Variants in ZDBF2 observed in about 807,000 individuals in gnomAD.
ZDBF2 encodes the protein DBF4-type zinc finger-containing protein 2.
A neutral mutation model predicts 9.4 loss-of-function variants in ZDBF2; 6 were observed. That is an observed-to-expected ratio of 0.64 (90% CI 0.35 to 1.27). The LOEUF (loss-of-function observed/expected upper bound fraction) is 1.27, where lower values mean the gene tolerates loss of function less well. ZDBF2 is among the 50% of genes most tolerant of loss of function. ZDBF2 has a pLI of 0.03. For synonymous variants in ZDBF2, 905 were observed against 946.3 expected, an observed-to-expected ratio of 0.96 and a Z score of 0.80; for missense variants, 2,697 against 2,766.8, an observed-to-expected ratio of 0.97 and a Z score of 0.57.
At chr2:206,302,365 T>C (rs1250115558) in intron 4 of ZDBF2, among the ~76,000 whole-genome samples, 1 of 152,128 alleles carries the variant, frequency 6.6e-6, no homozygotes, top group East Asian at 1.9e-4. Flanking sequence ...TTTTTTGTTG[T>C]TGTGTGGTTA....
In ZDBF2 at chr2:206,313,379, G is replaced by T. The variant is rs1025725929; in HGVS notation, c.*1786G>T. The stretch of plus-strand genomic sequence containing the variant: ...CATATATCTCATTTCCTTCAACCTT[G>T]CCTCCTCATACACAAATATATTTTC... On this transcript the variant is annotated 3_prime_UTR_variant, in exon 5 of 5. Transcript: ENST00000374423. 2.6e-5 allele frequency: 4 copies of T among 152,030 alleles called. No homozygotes were observed. The highest frequency in any genetic ancestry group is 9.7e-5 in the African/African-American group (4 of 41,380). 9.4% of individuals were successfully genotyped at this position (152,030 alleles called of 1,614,324 possible).
In ZDBF2 at chr2:206,309,424, T is replaced by C; in HGVS notation, c.4896T>C (p.Ser1632=). Residue 1632 remains serine (S), a synonymous_variant, in exon 5 of 5, where the codon TCT becomes TCC. Coordinates refer to ENST00000374423, the MANE Select transcript of ZDBF2 (RefSeq NM_020923.3). The part of the protein sequence containing the change: ...GSEMNFNVDA[S]DQSMTYESQG... ...AAATGAATTTTAATGTTGATGCCTC[T>C]GATCAGTCCATGACTTACGAGTCAC... The C allele has an allele frequency of 6.2e-7, 1 of 1,613,878 alleles. No homozygotes were observed. Among genetic ancestry groups the C allele is most frequent in the Non-Finnish European group, 8.5e-7 (1 of 1,179,852 alleles).
rs138690829 is a variant in ZDBF2 at position 206,304,725 on chromosome 2, A to G, written c.197A>G (p.Gln66Arg). The G allele has an allele frequency of 3.7e-6, 6 of 1,603,930 alleles. No homozygotes were observed. In the African/African-American group the frequency reaches 5.4e-5, roughly 14 times the overall value. Residue 66 changes from glutamine to arginine, a missense_variant, in exon 5 of 5, where the codon CAA (glutamine) becomes CGA (arginine). Physicochemically the swap from Gln to Arg is conservative, Grantham distance 43. Transcript: ENST00000374423. ...CCCCCCTTTCGTTTTAGTTCAACAC[A>G]AGATGAGACACATGTGAATACTGGG... ...PYHCQESSST[Q>R]DETHVNTGSS...
rs997228879 is a variant in ZDBF2, at chr2:206,310,021, A to G, written c.5493A>G (p.Thr1831=). The G allele has an allele frequency of 6.2e-7, 1 of 1,612,972 alleles. No homozygotes were observed. Among genetic ancestry groups the G allele is most frequent in the East Asian group, 2.2e-5 (1 of 44,886 alleles). The change falls in exon 5 of 5, where the codon ACA becomes ACG. Residue 1831 remains threonine, a synonymous_variant. Coordinates refer to ENST00000374423, the MANE Select transcript of ZDBF2 (RefSeq NM_020923.3). ...TACCTCCTTCATTTGTGGGGAAAAC[A>G]TGGTCTCAGATAATGAGAGAAGATG... is the stretch of plus-strand genomic sequence containing the variant. ...PHVPPSFVGK[T]WSQIMREDDI...
At chr2:206,275,551 C>T (rs1169645895) in intron 1 of ZDBF2, among the ~76,000 whole-genome samples, 1 of 152,214 alleles carries the variant, frequency 6.6e-6, no homozygotes, top group Non-Finnish European at 1.5e-5. Context: ...CTAAGAAGGG[C>T]CTTACCAGCT....
At chr2:206,296,988 A>T (rs1487708549) in intron 3 of ZDBF2, among the ~76,000 whole-genome samples, 1 of 152,094 alleles carries the variant, frequency 6.6e-6, no homozygotes, top group Non-Finnish European at 1.5e-5. Context: ...GTTTTTTGTT[A>T]TGCTATGATA....
intron 3 of ZDBF2, among the ~76,000 whole-genome samples, chr2:206,296,729 C>T (rs1438332579): frequency 6.6e-6 from 1 of 152,112 alleles, no homozygotes. Flanking sequence ...AAATCCAGCG[C>T]CATAGACTGC....
chr2:206,304,881 A>G lies in ZDBF2; in HGVS notation c.353A>G (p.His118Arg), dbSNP rs751321970. 6.2e-7 allele frequency: 1 copy of G among 1,613,792 alleles called. No homozygotes were observed. The highest frequency in any genetic ancestry group is 8.5e-7 in the Non-Finnish European group (1 of 1,179,810). The part of the protein sequence containing the change: ...SEVSEPIEEL[H>R]SRPHKSQEGT... ...GTTTCAGAACCTATTGAAGAGTTAC[A>G]TTCCAGACCTCATAAATCTCAGGAA... Residue 118 changes from histidine (H) to arginine (R), a missense_variant, in exon 5 of 5, where the codon CAT becomes CGT. Around this residue, in one of 3 missense-constraint regions of ZDBF2, gnomAD observed 910 missense variants for 973.6 expected, o/e 0.93. Transcript: ENST00000374423.
chr2:206,276,163 TGA>T (rs1473318430), intron 1 of ZDBF2, among the ~76,000 whole-genome samples: 2 of 152,148 alleles, frequency 1.3e-5, no homozygotes, highest in Non-Finnish European at 2.9e-5. Context: ...TTATATGTAA[TGA>T]GAGTATTGTT....
In ZDBF2 at chr2:206,310,870, T is replaced by C. The variant is rs368340641; in HGVS notation, c.6342T>C (p.Tyr2114=). ...SAPLMAVPAR[Y]GFNSHQGTSD... Reference sequence around the variant, plus strand: ...CTTTAATGGCAGTGCCGGCAAGATATGGATTTAATTCACATCAGGGAACCA... The same window carrying C: ...CTTTAATGGCAGTGCCGGCAAGATACGGATTTAATTCACATCAGGGAACCA... Residue 2114 remains tyrosine (Y), a synonymous_variant, in exon 5 of 5, where the codon TAT becomes TAC. Transcript: ENST00000374423. 57 of 1,613,942 alleles carry C rather than the reference T, an allele frequency of 3.5e-5. No individual in the cohort carries two copies. Among genetic ancestry groups the C allele is most frequent in the Non-Finnish European group, 4.3e-5 (51 of 1,179,892 alleles).
Position 206,308,470 on chromosome 2 carries a change from T to C in ZDBF2, c.3942T>C (p.His1314=), listed in dbSNP as rs759247246. The C allele has an allele frequency of 2.5e-6, 4 of 1,613,648 alleles. No homozygotes were observed. Among genetic ancestry groups the C allele is most frequent in the Non-Finnish European group, 2.5e-6 (3 of 1,179,756 alleles). The change falls in exon 5 of 5, where the codon CAT becomes CAC. Residue 1314 remains histidine (H), a synonymous_variant. Coordinates refer to ENST00000374423, the MANE Select transcript of ZDBF2 (RefSeq NM_020923.3). ...AAATAAATCTTTTGAGGGAGGAACA[T>C]GTTTGTCTGGATGATAAGGGCTATG... ...NKEINLLREE[H]VCLDDKGYVP...
In ZDBF2 at chr2:206,297,599, C is replaced by T. The variant is rs183257337; in HGVS notation, c.188+226C>T. Among the ~76,000 whole-genome samples the T allele has an allele frequency of 6.6e-5, 10 of 152,128 alleles. No homozygotes were observed. The East Asian group carries it at 1.7e-3, about 26-fold the overall frequency. On this transcript the variant is annotated intron_variant, in intron 4 of 4. Transcript: ENST00000374423. ...TTTTTTTCTAAATAAAAGTCTTAGG[C>T]TAATAATTATATATCATTAAGATGT...
intron 3 of ZDBF2, among the ~76,000 whole-genome samples, chr2:206,293,829 G>T (rs987865635): frequency 2.6e-5 from 4 of 152,146 alleles, no homozygotes; most frequent in African/African-American, 9.7e-5. Flanking sequence ...TGGAAGACTG[G>T]TCGGTAGGGA....
In ZDBF2 at chr2:206,307,410, A is replaced by T. The variant is rs1343461831; in HGVS notation, c.2882A>T (p.Asp961Val). 2 of 1,612,952 alleles carry T rather than the reference A, an allele frequency of 1.2e-6. No homozygotes were observed. Among genetic ancestry groups the T allele is most frequent in the Non-Finnish European group, 8.5e-7 (1 of 1,179,636 alleles). The part of the protein sequence containing the change: ...KSVFETSLDS[D>V]VPLQAATHKP... ...GTTTTTGAAACAAGTTTGGATTCTG[A>T]TGTCCCTCTTCAGGCAGCGACTCAC... The change falls in exon 5 of 5, where the codon GAT becomes GTT. Residue 961 changes from aspartate to valine, a missense_variant. Transcript: ENST00000374423.
rs566411059 is a variant in ZDBF2, at chr2:206,311,970, G to C, written c.*377G>C. ...AATATAGCAAACTTATTAAAAAGAA[G>C]GAATTATAATGAATTATGTCAACTT... On this transcript the variant is annotated 3_prime_UTR_variant, in exon 5 of 5. Coordinates refer to ENST00000374423, the MANE Select transcript of ZDBF2 (RefSeq NM_020923.3). The C allele has an allele frequency of 6.6e-4, 102 of 154,530 alleles. 1 individual carries two copies. The highest frequency in any genetic ancestry group is 2.4e-3 in the African/African-American group (99 of 41,644). 9.6% of individuals were successfully genotyped at this position (154,530 alleles called of 1,614,324 possible).
Position 206,309,249 on chromosome 2 carries a change from G to C in ZDBF2, c.4721G>C (p.Ser1574Thr). 6.2e-7 allele frequency: 1 copy of C among 1,608,952 alleles called. No individual in the cohort carries two copies. Among genetic ancestry groups the C allele is most frequent in the South Asian group, 1.1e-5 (1 of 90,212 alleles). ...GAATGTATTGATATAGAAGATAAGA[G>C]CTGTGACTTTTTTGGTTCTGAAGTC... ...NTECIDIEDK[S>T]CDFFGSEVRC... is the part of the protein sequence containing the mutation. The change falls in exon 5 of 5, where the codon AGC becomes ACC. Residue 1574 changes from serine to threonine, a missense_variant. By Grantham distance (58) the Ser-to-Thr change is moderately conservative (BLOSUM62 1). Around this residue, in one of 3 missense-constraint regions of ZDBF2, gnomAD observed 1,783 missense variants for 1,776.5 expected, o/e 1.00. Coordinates refer to ENST00000374423, the MANE Select transcript of ZDBF2 (RefSeq NM_020923.3).
chr2:206,313,261 C>T lies in ZDBF2; in HGVS notation c.*1668C>T, dbSNP rs1246412259. 1.3e-5 allele frequency: 2 copies of T among 152,084 alleles called. No homozygotes were observed. Among genetic ancestry groups the T allele is most frequent in the Non-Finnish European group, 2.9e-5 (2 of 68,000 alleles). 9.4% of individuals were successfully genotyped at this position (152,084 alleles called of 1,614,324 possible). A position where few individuals can be genotyped will look rare whatever the true frequency, so the allele number is the denominator to read the frequency against. ...GGCCATTATTTAACCTGTGTGTATG[C>T]TATGATGGAGTTCTTTTGTGATTTC... On this transcript the variant is annotated 3_prime_UTR_variant, in exon 5 of 5. Transcript: ENST00000374423.
At position 206,305,578 on chromosome 2, in the gene ZDBF2, GAC is replaced by G; in HGVS notation, c.1052_1053del (p.Thr351SerfsTer12). The G allele has an allele frequency of 6.2e-7, 1 of 1,613,762 alleles. No homozygotes were observed. The highest frequency in any genetic ancestry group is 8.5e-7 in the Non-Finnish European group (1 of 1,179,796). ...QEEKHLVFNK[T>X]AFWEQKCSVS... ...AAGAAAAGCATTTGGTTTTTAACAA[GAC>G]AGCCTTTTGGGAACAGAAGTGCTCA... On this transcript the variant is annotated frameshift_variant, in exon 5 of 5. Transcript: ENST00000374423. LOFTEE classifies it low-confidence loss of function (END_TRUNC).
intron 3 of ZDBF2, among the ~76,000 whole-genome samples, chr2:206,289,871 C>T (rs1167467064): frequency 6.6e-6 from 1 of 152,086 alleles, no homozygotes; most frequent in East Asian, 1.9e-4. Context: ...TCCTGGTTCC[C>T]AGCTGATCCC....
Sources: allele counts gnomAD v4.1 joint callset (sites outside exome capture counted in the v4.1 genomes callset), GRCh38; gene constraint gnomAD v4.1.1; regional missense constraint gnomAD v4.1.1; transcripts MANE v1.5; gene names NCBI Gene and HGNC (gene_info 2026-07-23, HGNC 2026-07-21).